Variants in DPYD observed in about 807,000 individuals in gnomAD.
DPYD encodes dihydropyrimidine dehydrogenase.
DPYD carries 109 observed loss-of-function variants against 116.2 expected under a neutral mutation model. That is an observed-to-expected ratio of 0.94 (90% CI 0.80 to 1.10). The LOEUF is 1.10. Ranked by LOEUF, DPYD falls within the 50% of genes least tolerant of loss-of-function variation. DPYD has a pLI of 0.00. For missense variants in DPYD, 1,302 were observed against 1,254.5 expected, an observed-to-expected ratio of 1.04 and a Z score of -0.57; for synonymous variants, 440 against 432.0, an observed-to-expected ratio of 1.02 and a Z score of -0.23.
intron 1 of DPYD, among the ~76,000 whole-genome samples, chr1:97,888,737 T>C (rs1257964673): frequency 6.6e-6 from 1 of 151,620 alleles, no homozygotes; most frequent in Non-Finnish European, 1.5e-5. Context: ...TACAAAGTAT[T>C]AAAAGAAAAA....
At chr1:97,450,353 A>G (rs1329181972) in intron 13 of DPYD, 130 bp from the exon 14 acceptor site, 4 of 891,920 alleles carry the variant, frequency 4.5e-6, no homozygotes, top group East Asian at 5.4e-5. Flanking sequence ...AATTTTTAAT[A>G]TACATTAAAT....
At chr1:97,259,276 C>T (rs923080403) in intron 18 of DPYD, among the ~76,000 whole-genome samples, 3 of 152,024 alleles carry the variant, frequency 2.0e-5, no homozygotes, top group Non-Finnish European at 4.4e-5. Flanking sequence ...AAATGTTATT[C>T]AATTGAAAAC....
chr1:97,680,814 C>T (rs1660390340), intron 7 of DPYD, among the ~76,000 whole-genome samples: 1 of 152,066 alleles, frequency 6.6e-6, no homozygotes, highest in Non-Finnish European at 1.5e-5. Flanking sequence ...AGGGACTGGC[C>T]TCTTGAGTGA....
At chr1:97,262,318 A>C (rs1275097336) in intron 18 of DPYD, among the ~76,000 whole-genome samples, 1 of 152,052 alleles carries the variant, frequency 6.6e-6, no homozygotes, top group Non-Finnish European at 1.5e-5. Context: ...AAATGAGGCC[A>C]ATGGAAGTAT....
At chr1:97,453,226 T>G (rs908622935) in intron 13 of DPYD, among the ~76,000 whole-genome samples, 1 of 152,112 alleles carries the variant, frequency 6.6e-6, no homozygotes, top group African/African-American at 2.4e-5. Flanking sequence ...TCTTAACTGC[T>G]GGGTATCGCT....
At chr1:97,245,308 G>A (rs1236177998) in intron 18 of DPYD, among the ~76,000 whole-genome samples, 1 of 152,018 alleles carries the variant, frequency 6.6e-6, no homozygotes, top group Non-Finnish European at 1.5e-5. Context: ...ATTCACTGCC[G>A]GGTTTGAATG....
intron 18 of DPYD, among the ~76,000 whole-genome samples, chr1:97,239,998 A>T (rs561045779): frequency 4.6e-5 from 7 of 152,156 alleles, no homozygotes; most frequent in South Asian, 4.1e-4. Context: ...TTACTTTGAC[A>T]TTGCCTTCTA....
chr1:97,486,846 T>C (rs1265029745), intron 13 of DPYD, among the ~76,000 whole-genome samples: 2 of 151,912 alleles, frequency 1.3e-5, no homozygotes, highest in African/African-American at 4.8e-5. Flanking sequence ...ATAAGCTATT[T>C]CTAAACATAA....
intron 19 of DPYD, among the ~76,000 whole-genome samples, chr1:97,195,805 G>A (rs751216379): frequency 6.7e-6 from 1 of 150,104 alleles, no homozygotes; most frequent in Non-Finnish European, 1.5e-5. Flanking sequence ...GAAGATGATC[G>A]TGAGGGACAC....
chr1:97,307,216 A>G (rs1667226503), intron 16 of DPYD, among the ~76,000 whole-genome samples: 3 of 151,894 alleles, frequency 2.0e-5, no homozygotes, highest in Admixed American at 6.6e-5. Context: ...TTGATAAATT[A>G]CCTTAAAGTA....
chr1:97,612,423 T>C (rs1656003345), intron 8 of DPYD, among the ~76,000 whole-genome samples: 1 of 152,060 alleles, frequency 6.6e-6, no homozygotes, highest in Non-Finnish European at 1.5e-5. Context: ...ACTTTACATA[T>C]GGCTATCCAC....
chr1:97,822,085 A>T (rs531200188), intron 3 of DPYD, among the ~76,000 whole-genome samples: 1 of 151,564 alleles, frequency 6.6e-6, no homozygotes, highest in South Asian at 2.1e-4. Flanking sequence ...CATTACAGAA[A>T]ATATAGAATG....
At chr1:97,168,672 G>A (rs1227564610) in intron 20 of DPYD, among the ~76,000 whole-genome samples, 1 of 151,942 alleles carries the variant, frequency 6.6e-6, no homozygotes, top group African/African-American at 2.4e-5. Context: ...TCCTTATTTA[G>A]ATTTTTTTAA....
intron 3 of DPYD, among the ~76,000 whole-genome samples, chr1:97,769,628 T>C (rs1190211660): frequency 1.3e-5 from 2 of 152,166 alleles, no homozygotes; most frequent in Non-Finnish European, 2.9e-5. Flanking sequence ...GTGAAGTTGA[T>C]TTAGAAATAT....
chr1:97,338,457 T>G (rs1013808063), intron 16 of DPYD, among the ~76,000 whole-genome samples: 2 of 152,050 alleles, frequency 1.3e-5, no homozygotes, highest in African/African-American at 4.8e-5. Context: ...GCAGATTCCT[T>G]GGCCACTGGA....
rs373421997 is a variant in DPYD at position 97,599,697 on chromosome 1, C to T, written c.851-4531G>A. On this transcript the variant is annotated intron_variant, in intron 8 of 22. Transcript: ENST00000370192. ...AGCACAGACCACAGAGAAACTACCT[C>T]AGGTCCCTGGCCAAAGGCTGTGGCT... Among the ~76,000 whole-genome samples, 3 of 151,186 alleles carry T rather than the reference C, an allele frequency of 2.0e-5. No homozygotes were observed. The East Asian group carries it at 5.9e-4, about 29-fold the overall frequency.
intron 11 of DPYD, among the ~76,000 whole-genome samples, chr1:97,552,882 G>GAAAAA (rs1253756044): frequency 6.6e-6 from 1 of 151,620 alleles, no homozygotes; most frequent in African/African-American, 2.4e-5. Flanking sequence ...GAAATAAAAA[G>GAAAAA]AAAAAGCTGA....
At chr1:97,559,336 T>C (rs2102127133) in intron 11 of DPYD, among the ~76,000 whole-genome samples, 2 of 152,232 alleles carry the variant, frequency 1.3e-5, no homozygotes, top group East Asian at 3.9e-4. Context: ...GAAAACAATA[T>C]TATTAAAATA....
intron 1 of DPYD, among the ~76,000 whole-genome samples, chr1:97,886,984 A>G (rs1672527708): frequency 6.6e-6 from 1 of 151,998 alleles, no homozygotes. Context: ...GTAATAAAGA[A>G]ATCAACCAGA....
Sources: gnomAD v4.1 joint callset for allele counts (sites outside exome capture counted in the v4.1 genomes callset) on GRCh38, gnomAD v4.1.1 for gene constraint, MANE v1.5 for transcripts, NCBI Gene and HGNC (gene_info 2026-07-23, HGNC 2026-07-21) for gene names.